The following USP32 variants were observed in gnomAD, a reference collection of about 807,000 sequenced individuals.
USP32 encodes ubiquitin carboxyl-terminal hydrolase 32.
In USP32, 59 loss-of-function variants were observed where a neutral mutation model predicts 204.8. That is an observed-to-expected ratio of 0.29 (90% CI 0.23 to 0.36). The LOEUF is 0.36. Ranked by LOEUF, USP32 falls within the 10% of genes least tolerant of loss-of-function variation. USP32 has a pLI of 1.00. For synonymous variants in USP32, 517 were observed against 678.4 expected, an observed-to-expected ratio of 0.76 and a Z score of 3.70; for missense variants, 1,160 against 1,946.4, an observed-to-expected ratio of 0.60 and a Z score of 7.60.
chr17:60,329,367 G>A (rs770351718), intron 2 of USP32, among the ~76,000 whole-genome samples: 1 of 151,064 alleles, frequency 6.6e-6, no homozygotes, highest in Non-Finnish European at 1.5e-5. Flanking sequence ...CAGAATTGTT[G>A]ACTATTATAT....
chr17:60,228,037 T>TC (rs556923867), intron 12 of USP32, among the ~76,000 whole-genome samples: 1 of 152,228 alleles, frequency 6.6e-6, no homozygotes, highest in East Asian at 1.9e-4. Flanking sequence ...ATTCTTTTTT[T>TC]TTTTTTGAGA....
intron 1 of USP32, among the ~76,000 whole-genome samples, chr17:60,409,630 A>G (rs1181987830): frequency 6.6e-6 from 1 of 152,214 alleles, no homozygotes; most frequent in African/African-American, 2.4e-5. Context: ...TAGTGAAAAA[A>G]AGTCTGACCT....
In USP32 at chr17:60,201,802, GT is replaced by G. The variant is rs558696633; in HGVS notation, c.3250-3359del. On this transcript the variant is annotated intron_variant, in intron 26 of 33. Coordinates refer to ENST00000300896, the MANE Select transcript of USP32 (RefSeq NM_032582.4). ...GCCTCCCGAGTAGCTGGGACTACAT[GT>G]GCCCACCATCACGCCCAGTTAATTT... is the stretch of plus-strand genomic sequence containing the variant. Among the ~76,000 whole-genome samples the G allele has an allele frequency of 2.7e-4, 41 of 152,022 alleles. No homozygotes were observed. In the East Asian group the frequency reaches 7.5e-3, roughly 28 times the overall value.
chr17:60,200,302 C>T (rs1171047582), intron 26 of USP32, among the ~76,000 whole-genome samples: 1 of 152,152 alleles, frequency 6.6e-6, no homozygotes, highest in South Asian at 2.1e-4. Context: ...TGGCTCACAC[C>T]TGTAATTCCA....
intron 5 of USP32, among the ~76,000 whole-genome samples, chr17:60,271,812 C>CTT (rs907699792): frequency 1.6e-4 from 23 of 142,706 alleles, no homozygotes; most frequent in Non-Finnish European, 2.6e-4. Flanking sequence ...TTTTTTTCTT[C>CTT]TTTTTTTTTT....
At chr17:60,260,488 A>G (rs543387184) in intron 9 of USP32, among the ~76,000 whole-genome samples, 1 of 150,318 alleles carries the variant, frequency 6.7e-6, no homozygotes, top group East Asian at 2.0e-4. Context: ...ACGCTATTAC[A>G]CTCCAGCCTG....
intron 26 of USP32, among the ~76,000 whole-genome samples, chr17:60,204,177 G>GA (rs1428062984): frequency 2.3e-4 from 34 of 151,094 alleles, no homozygotes; most frequent in African/African-American, 7.5e-4. Flanking sequence ...TATCCTCTAA[G>GA]AAAAAAAACA....
At chr17:60,296,023 T>G (rs368003725) in intron 3 of USP32, among the ~76,000 whole-genome samples, 1 of 152,128 alleles carries the variant, frequency 6.6e-6, no homozygotes, top group African/African-American at 2.4e-5. Context: ...GAGAAAAAAA[T>G]CACCAAATTC....
At chr17:60,325,530 T>G (rs966848250) in intron 2 of USP32, among the ~76,000 whole-genome samples, 1 of 152,184 alleles carries the variant, frequency 6.6e-6, no homozygotes, top group Non-Finnish European at 1.5e-5. Context: ...CCAAAAATTG[T>G]GATATAATTT....
chr17:60,215,264 G>A (rs531310644), intron 16 of USP32, among the ~76,000 whole-genome samples: 17 of 152,246 alleles, frequency 1.1e-4, no homozygotes, highest in African/African-American at 3.9e-4. Context: ...GAGCCACCAA[G>A]CCCAGCCTTC....
intron 1 of USP32, among the ~76,000 whole-genome samples, chr17:60,379,750 A>G (rs1169480656): frequency 6.6e-6 from 1 of 152,264 alleles, no homozygotes; most frequent in African/African-American, 2.4e-5. Context: ...CAGAAGACGT[A>G]TAAATGAGAG....
chr17:60,404,495 CAAG>C (rs1482521015), intron 1 of USP32, among the ~76,000 whole-genome samples: 1 of 152,114 alleles, frequency 6.6e-6, no homozygotes, highest in African/African-American at 2.4e-5. Context: ...CAGATTTCTA[CAAG>C]AAGACAATCT....
chr17:60,366,972 C>T (rs924813341), intron 1 of USP32, among the ~76,000 whole-genome samples: 22 of 151,994 alleles, frequency 1.4e-4, no homozygotes, highest in Admixed American at 1.3e-3. Context: ...TACAGGAGCC[C>T]GCCACCACAC....
At chr17:60,373,491 T>C (rs572418682) in intron 1 of USP32, among the ~76,000 whole-genome samples, 1 of 151,246 alleles carries the variant, frequency 6.6e-6, no homozygotes. Context: ...ACACCCAGGC[T>C]AGAGTGCAGT....
intron 1 of USP32, among the ~76,000 whole-genome samples, chr17:60,407,576 C>T (rs1328096826): frequency 6.6e-6 from 1 of 151,994 alleles, no homozygotes; most frequent in Non-Finnish European, 1.5e-5. Flanking sequence ...CAACAAAGAC[C>T]TATACTCTTT....
intron 1 of USP32, among the ~76,000 whole-genome samples, chr17:60,348,845 G>T (rs1187776328): frequency 6.6e-6 from 1 of 151,948 alleles, no homozygotes; most frequent in East Asian, 1.9e-4. Context: ...AGGAAGGGGG[G>T]GTTCATGGTT....
chr17:60,348,660 C>A (rs560209617), intron 1 of USP32, among the ~76,000 whole-genome samples: 1 of 152,016 alleles, frequency 6.6e-6, no homozygotes, highest in East Asian at 1.9e-4. Context: ...TATAGCTACT[C>A]AGGAGGCTGA....
intron 2 of USP32, among the ~76,000 whole-genome samples, chr17:60,309,441 A>C (rs1403485615): frequency 3.3e-5 from 5 of 152,014 alleles, no homozygotes; most frequent in African/African-American, 1.2e-4. Context: ...GTCTCTACAA[A>C]AAATACAAAA....
intron 29 of USP32, 106 bp from the exon 30 acceptor site, chr17:60,185,757 A>G (rs2084235018): frequency 7.5e-7 from 1 of 1,328,378 alleles, no homozygotes; most frequent in Non-Finnish European, 1.0e-6. Flanking sequence ...TTTACTCTAT[A>G]TAAGGAAAAA....
Sources: gnomAD v4.1 joint callset for allele counts (sites outside exome capture counted in the v4.1 genomes callset) on GRCh38, gnomAD v4.1.1 for gene constraint, MANE v1.5 for transcripts, NCBI Gene and HGNC (gene_info 2026-07-23, HGNC 2026-07-21) for gene names.